SLC22A12: variants seen among roughly 807,000 people sequenced by gnomAD.
SLC22A12 encodes solute carrier family 22 member 12.
In SLC22A12, 56 loss-of-function variants were observed where a neutral mutation model predicts 52.7. That is an observed-to-expected ratio of 1.06 (90% CI 0.86 to 1.33). The LOEUF is 1.33. SLC22A12 is among the 40% of genes most tolerant of loss of function. The pLI is 0.00. For synonymous variants in SLC22A12, 337 were observed against 324.6 expected, an observed-to-expected ratio of 1.04 and a Z score of -0.41; for missense variants, 683 against 741.5, an observed-to-expected ratio of 0.92 and a Z score of 0.92.
chr11:64,598,258 C>T (rs563385171), intron 4 of SLC22A12, among the ~76,000 whole-genome samples: 35 of 152,204 alleles, frequency 2.3e-4, no homozygotes, highest in South Asian at 6.2e-4. Flanking sequence ...ATCCCTCCCT[C>T]CATCCCAGCA....
At chr11:64,595,426 AGATG>A (rs1215757738) in intron 4 of SLC22A12, among the ~76,000 whole-genome samples, 2 of 99,752 alleles carry the variant, frequency 2.0e-5, no homozygotes, top group Admixed American at 1.1e-4. Context: ...TGTTTGGAAT[AGATG>A]GATGGATGGA....
Position 64,593,808 on chromosome 11 carries a change from G to A in SLC22A12, c.830+5G>A. 6.2e-7 allele frequency: 1 copy of A among 1,603,146 alleles called. No homozygotes were observed. The highest frequency in any genetic ancestry group is 8.5e-7 in the Non-Finnish European group (1 of 1,179,846). ...CCTCTGCTTTTTGTACTCCTGGTGGGTGCTGTGCCCCACTCCCCTCCTCAG... is the reference window on the plus strand; with the variant it reads ...CCTCTGCTTTTTGTACTCCTGGTGGATGCTGTGCCCCACTCCCCTCCTCAG... On this transcript the variant is annotated splice_donor_5th_base_variant and intron_variant, in intron 4 of 9. Transcript: ENST00000377574.
intron 4 of SLC22A12, among the ~76,000 whole-genome samples, chr11:64,595,624 AGAT>A (rs1565136767): frequency 7.8e-6 from 1 of 128,400 alleles, no homozygotes; most frequent in Non-Finnish European, 1.6e-5. Flanking sequence ...ATGGATGGAT[AGAT>A]GGATGGATGG....
At chr11:64,595,367 A>T (rs868296460) in intron 4 of SLC22A12, among the ~76,000 whole-genome samples, 7 of 37,400 alleles carry the variant, frequency 1.9e-4, no homozygotes, top group Non-Finnish European at 5.8e-4. Context: ...GGATGGATGG[A>T]TGGATGGATG....
At chr11:64,592,290 T>G (rs749124622) in intron 1 of SLC22A12, among the ~76,000 whole-genome samples, 8 of 152,070 alleles carry the variant, frequency 5.3e-5, no homozygotes, top group Non-Finnish European at 1.0e-4. Context: ...GCAGGGGGAC[T>G]CAGTGACAAT....
At position 64,593,687 on chromosome 11, in the gene SLC22A12, T is replaced by C. The variant is rs1340366886; in HGVS notation, c.714T>C (p.Ser238=). The change falls in exon 4 of 10, where the codon TCT becomes TCC. Residue 238 remains serine (S), a synonymous_variant. Transcript: ENST00000377574. ...RARPLVMTLN[S]LGFSFGHGLT... ...GACCCTTGGTGATGACCTTGAACTC[T>C]CTGGGCTTCAGCTTCGGCCATGGCC... 1.2e-6 allele frequency: 2 copies of C among 1,614,148 alleles called. No individual in the cohort carries two copies. Among genetic ancestry groups the C allele is most frequent in the South Asian group, 1.1e-5 (1 of 91,078 alleles).
Position 64,591,342 on chromosome 11 carries a change from C to A in SLC22A12, c.-215C>A. ...AGGTCTCGGAATCACCTCACGCGGC[C>A]TCAGGGCCCAGTTGGAGCCACCCCA... On this transcript the variant is annotated 5_prime_UTR_variant, in exon 1 of 10. Transcript: ENST00000377574. The A allele has an allele frequency of 1.6e-6, 1 of 629,850 alleles. No individual in the cohort carries two copies. The highest frequency in any genetic ancestry group is 2.7e-6 in the Non-Finnish European group (1 of 367,336). 39.0% of individuals were successfully genotyped at this position (629,850 alleles called of 1,614,324 possible). A position where few individuals can be genotyped will look rare whatever the true frequency, so the allele number is the denominator to read the frequency against.
chr11:64,591,540 C>A lies in SLC22A12; in HGVS notation c.-17C>A, dbSNP rs1210161280. 2 of 1,609,628 alleles carry A rather than the reference C, an allele frequency of 1.2e-6. No homozygotes were observed. Among genetic ancestry groups the A allele is most frequent in the Admixed American group, 3.3e-5 (2 of 60,004 alleles). ...TTGTGAAGTGGGCCCCTCTTCTGGG[C>A]CCCTTGAGTAGGTTCCATGGCATTT... On this transcript the variant is annotated 5_prime_UTR_variant, in exon 1 of 10. Coordinates refer to ENST00000377574, the MANE Select transcript of SLC22A12 (RefSeq NM_144585.4).
At chr11:64,594,457 T>C (rs2039020949) in intron 4 of SLC22A12, among the ~76,000 whole-genome samples, 1 of 151,942 alleles carries the variant, frequency 6.6e-6, no homozygotes, top group South Asian at 2.1e-4. Flanking sequence ...GTTGAATGGA[T>C]GAATTGTTAG....
rs1479244851 is a variant in SLC22A12, at chr11:64,599,726, T to C, written c.1121T>C (p.Leu374Pro). Residue 374 changes from leucine to proline, a missense_variant, in exon 7 of 10, where the codon CTG becomes CCG. Physicochemically the swap from Leu to Pro is moderately conservative, Grantham distance 98. Coordinates refer to ENST00000377574, the MANE Select transcript of SLC22A12 (RefSeq NM_144585.4). ...GGCCTGGCCCTGGACCTGCAGGCCC[T>C]GGGCAGCAACATCTTCCTGCTCCAA... ...FFGLALDLQALGSNIFLLQMF... is the reference protein window; with the variant it reads ...FFGLALDLQAPGSNIFLLQMF... 1.2e-6 allele frequency: 2 copies of C among 1,607,178 alleles called. No homozygotes were observed. The highest frequency in any genetic ancestry group is 1.7e-6 in the Non-Finnish European group (2 of 1,176,750).
chr11:64,598,734 T>C (rs966212346), intron 5 of SLC22A12, 74 bp from the exon 6 acceptor site: 1 of 1,606,474 alleles, frequency 6.2e-7, no homozygotes, highest in Admixed American at 1.7e-5. Context: ...CTCAGCTCCC[T>C]GGGAAGAAGG....
chr11:64,596,095 T>C (rs1311001530), intron 4 of SLC22A12, among the ~76,000 whole-genome samples: 3 of 151,434 alleles, frequency 2.0e-5, no homozygotes, highest in South Asian at 4.2e-4. Context: ...GTTGAATGGA[T>C]GGATGGATGG....
intron 6 of SLC22A12, among the ~76,000 whole-genome samples, chr11:64,599,465 A>T (rs1407844911): frequency 6.6e-6 from 1 of 152,086 alleles, no homozygotes; most frequent in Non-Finnish European, 1.5e-5. Context: ...CCATCAGCCA[A>T]ACCCAAAGGG....
chr11:64,596,273 T>TGGATGGGATGGATGGATGGATGGAGGGAG (rs2039229833), intron 4 of SLC22A12, among the ~76,000 whole-genome samples: 1 of 92,652 alleles, frequency 1.1e-5, no homozygotes, highest in Non-Finnish European at 2.3e-5. Flanking sequence ...GATGGATGGA[T>TGGATGGGATGGATGGATGGATGGAGGGAG]GGATGGATGG....
Position 64,600,478 on chromosome 11 carries a change from G to T in SLC22A12, c.1394+3G>T. 6.3e-7 allele frequency: 1 copy of T among 1,595,602 alleles called. No homozygotes were observed. Reference sequence around the variant, plus strand: ...GAGCTCTTCCCCACTGTGCTCAGGTGAGGCTGGGCCTGGGCTCCAGGAGAG... The same window carrying T: ...GAGCTCTTCCCCACTGTGCTCAGGTTAGGCTGGGCCTGGGCTCCAGGAGAG... On this transcript the variant is annotated splice_donor_region_variant and intron_variant, in intron 8 of 9. Coordinates refer to ENST00000377574, the MANE Select transcript of SLC22A12 (RefSeq NM_144585.4).
chr11:64,596,915 CCATT>C (rs1047141283), intron 4 of SLC22A12, among the ~76,000 whole-genome samples: 1 of 152,224 alleles, frequency 6.6e-6, no homozygotes, highest in African/African-American at 2.4e-5. Context: ...GAAGAAGTGC[CCATT>C]CATTCATTCA....
intron 4 of SLC22A12, among the ~76,000 whole-genome samples, chr11:64,597,577 AAT>A (rs2039288841): frequency 6.6e-6 from 1 of 152,042 alleles, no homozygotes; most frequent in Middle Eastern, 3.2e-3. Context: ...CTCTATCTCT[AAT>A]ATGCACCTGG....
In SLC22A12 at chr11:64,591,936, T is replaced by A; in HGVS notation, c.380T>A (p.Phe127Tyr). ...GGCTGGGTCTATGACCGCAGCATCT[T>A]CACCTCCACAATCGTGGCCAAGGTA... Reference protein sequence around the residue: ...VDGWVYDRSIFTSTIVAKWNL... With the variant: ...VDGWVYDRSIYTSTIVAKWNL... Residue 127 changes from phenylalanine (F) to tyrosine (Y), a missense_variant, in exon 1 of 10, where the codon TTC becomes TAC. By Grantham distance (22) the Phe-to-Tyr change is conservative. Coordinates refer to ENST00000377574, the MANE Select transcript of SLC22A12 (RefSeq NM_144585.4). The A allele has an allele frequency of 2.5e-6, 4 of 1,611,888 alleles. No individual in the cohort carries two copies. Among genetic ancestry groups the A allele is most frequent in the Non-Finnish European group, 3.4e-6 (4 of 1,179,998 alleles).
At position 64,596,854 on chromosome 11, in the gene SLC22A12, G is replaced by A. The variant is rs548137507; in HGVS notation, c.831-1662G>A. ...CCTCCTGGTTCTCATGCTGATGCAG[G>A]GCCACAGAGCTGCACCCCCCTTTCC... On this transcript the variant is annotated intron_variant, in intron 4 of 9. Transcript: ENST00000377574. 2.6e-4 allele frequency among the ~76,000 whole-genome samples: 39 copies of A among 152,238 alleles called. 1 individual carries two copies. The highest frequency in any genetic ancestry group is 5.1e-4 in the Non-Finnish European group (35 of 68,004).
Sources: gnomAD v4.1 joint callset for allele counts (sites outside exome capture counted in the v4.1 genomes callset) on GRCh38, gnomAD v4.1.1 for gene constraint, MANE v1.5 for transcripts, NCBI Gene and HGNC (gene_info 2026-07-23, HGNC 2026-07-21) for gene names.